The following SLC9A9 variants were observed in gnomAD, a reference collection of about 807,000 sequenced individuals.
SLC9A9 encodes sodium/hydrogen exchanger 9.
In SLC9A9, 62 loss-of-function variants were observed where a neutral mutation model predicts 77.8. The observed-to-expected ratio is 0.80, with a 90% CI of 0.65 to 0.98. The LOEUF (loss-of-function observed/expected upper bound fraction) is 0.98, where lower values mean the gene tolerates loss of function less well. Among genes scored for constraint, SLC9A9 ranks in the 50% least tolerant of loss-of-function variants. The probability of loss-of-function intolerance (pLI) is 0.00; values close to 1 mark genes in which losing one functional copy is unlikely to be tolerated. For synonymous variants in SLC9A9, 320 were observed against 283.5 expected (o/e 1.13, Z -1.29); for missense variants, 775 against 774.9 (o/e 1.00, Z 0.00).
intron 14 of SLC9A9, among the ~76,000 whole-genome samples, chr3:143,307,757 G>C (rs765543561): frequency 6.6e-6 from 1 of 152,146 alleles, no homozygotes; most frequent in Non-Finnish European, 1.5e-5. Context: ...TCTCCAGCCT[G>C]ACCTCTGGGT....
At chr3:143,634,424 T>A (rs9862546) in intron 6 of SLC9A9, among the ~76,000 whole-genome samples, 47,217 of 151,972 alleles carry the variant, frequency 0.31, 7,665 homozygotes, top group African/African-American at 0.4. Context: ...CAAATGCGTC[T>A]TCTATGTATT....
intron 8 of SLC9A9, among the ~76,000 whole-genome samples, chr3:143,559,136 C>T (rs1308306924): frequency 6.6e-6 from 1 of 152,174 alleles, no homozygotes; most frequent in African/African-American, 2.4e-5. Flanking sequence ...TGAGGCCTCC[C>T]CAGCCATGTG....
At chr3:143,766,188 C>T (rs1300663465) in intron 4 of SLC9A9, among the ~76,000 whole-genome samples, 3 of 152,106 alleles carry the variant, frequency 2.0e-5, no homozygotes, top group African/African-American at 7.2e-5. Flanking sequence ...ATGCTAAGTT[C>T]TGGAATAGCA....
intron 13 of SLC9A9, among the ~76,000 whole-genome samples, chr3:143,371,488 A>G (rs1025657978): frequency 1.3e-5 from 2 of 152,188 alleles, no homozygotes; most frequent in Admixed American, 6.5e-5. Flanking sequence ...ATAGCATATC[A>G]TAACAACTGC....
At chr3:143,362,091 C>A (rs924749338) in intron 14 of SLC9A9, among the ~76,000 whole-genome samples, 2 of 152,068 alleles carry the variant, frequency 1.3e-5, no homozygotes, top group African/African-American at 4.8e-5. Context: ...GAGCAAAAAC[C>A]AGCAATAACT....
chr3:143,266,495 A>C lies in SLC9A9; in HGVS notation c.*207T>G. On this transcript the variant is annotated 3_prime_UTR_variant, in exon 16 of 16. Coordinates refer to ENST00000316549, the MANE Select transcript of SLC9A9 (RefSeq NM_173653.4). ...GTAATCAGAATGGCTGCTGTCAAAA[A>C]ACTAAATTCATTTGCATAATAGAGA... 1 of 616,628 alleles carries C rather than the reference A, an allele frequency of 1.6e-6. No homozygotes were observed. The highest frequency in any genetic ancestry group is 2.8e-6 in the Non-Finnish European group (1 of 351,616). 38.2% of individuals were successfully genotyped at this position (616,628 alleles called of 1,614,324 possible).
intron 6 of SLC9A9, among the ~76,000 whole-genome samples, chr3:143,615,716 A>T (rs911794490): frequency 9.9e-5 from 15 of 152,172 alleles, no homozygotes; most frequent in African/African-American, 1.4e-4. Context: ...AAACAAATTT[A>T]TCATCACTGA....
At chr3:143,547,599 C>T (rs1348663290) in intron 9 of SLC9A9, among the ~76,000 whole-genome samples, 2 of 152,268 alleles carry the variant, frequency 1.3e-5, no homozygotes, top group Non-Finnish European at 2.9e-5. Flanking sequence ...CTCTCATACT[C>T]TCCCTTGTTC....
intron 11 of SLC9A9, among the ~76,000 whole-genome samples, chr3:143,493,175 A>G (rs541721822): frequency 2.0e-5 from 3 of 152,304 alleles, no homozygotes; most frequent in African/African-American, 7.2e-5. Flanking sequence ...AACTGAGCAT[A>G]CTTAGGTCTG....
At chr3:143,792,140 G>C (rs887612441) in intron 4 of SLC9A9, among the ~76,000 whole-genome samples, 11 of 152,116 alleles carry the variant, frequency 7.2e-5, no homozygotes. Flanking sequence ...TTGAAGATTA[G>C]ATGGATAATC....
At chr3:143,817,338 C>T (rs1458794189) in intron 2 of SLC9A9, among the ~76,000 whole-genome samples, 11 of 150,370 alleles carry the variant, frequency 7.3e-5, no homozygotes, top group Admixed American at 6.6e-5. Flanking sequence ...TTAGTAGAGA[C>T]GGGGTTTCAC....
chr3:143,646,392 A>C (rs1265156024), intron 6 of SLC9A9, among the ~76,000 whole-genome samples: 1 of 148,454 alleles, frequency 6.7e-6, no homozygotes, highest in African/African-American at 2.4e-5. Context: ...GCACATATAA[A>C]TTTGGCTGTG....
chr3:143,422,080 C>G (rs1004544888), intron 12 of SLC9A9, among the ~76,000 whole-genome samples: 4 of 151,976 alleles, frequency 2.6e-5, no homozygotes, highest in Admixed American at 2.6e-4. Flanking sequence ...AAAAGACAAA[C>G]AAAAACAAAA....
intron 4 of SLC9A9, among the ~76,000 whole-genome samples, chr3:143,707,425 T>A: frequency 6.6e-6 from 1 of 151,746 alleles, no homozygotes; most frequent in Non-Finnish European, 1.5e-5. Flanking sequence ...CCATCATGAT[T>A]CCTATTTTAT....
intron 9 of SLC9A9, among the ~76,000 whole-genome samples, chr3:143,519,422 A>T (rs62269769): frequency 6.6e-6 from 1 of 151,850 alleles, no homozygotes; most frequent in East Asian, 1.9e-4. Context: ...GGAACCTAGA[A>T]AGGTTGGAGC....
intron 14 of SLC9A9, among the ~76,000 whole-genome samples, chr3:143,306,138 C>T (rs1578279311): frequency 6.6e-6 from 1 of 152,160 alleles, no homozygotes; most frequent in South Asian, 2.1e-4. Flanking sequence ...AACCTTTCTT[C>T]CTGGACTGGT....
chr3:143,454,614 C>G (rs2108559051), intron 12 of SLC9A9, among the ~76,000 whole-genome samples: 1 of 152,238 alleles, frequency 6.6e-6, no homozygotes, highest in South Asian at 2.1e-4. Flanking sequence ...CTATTAGCTC[C>G]CAGTTCTGTA....
intron 4 of SLC9A9, among the ~76,000 whole-genome samples, chr3:143,705,045 A>C (rs57868640): frequency 0.24 from 10,214 of 42,540 alleles, 638 homozygotes; most frequent in East Asian, 0.43. Context: ...CTATCTATAT[A>C]GATATAGATA....
intron 11 of SLC9A9, among the ~76,000 whole-genome samples, chr3:143,484,498 C>T (rs2035625068): frequency 6.6e-6 from 1 of 152,046 alleles, no homozygotes; most frequent in African/African-American, 2.4e-5. Context: ...GAAATACCAC[C>T]CTGCGTGTGA....
Sources: allele counts gnomAD v4.1 joint callset (sites outside exome capture counted in the v4.1 genomes callset), GRCh38; gene constraint gnomAD v4.1.1; transcripts MANE v1.5; gene names NCBI Gene and HGNC (gene_info 2026-07-23, HGNC 2026-07-21).